The following EXOC6B variants were observed in gnomAD, a reference collection of about 807,000 sequenced individuals.
EXOC6B encodes the protein SEC15 homolog B.
In EXOC6B, 54 loss-of-function variants were observed where a neutral mutation model predicts 113.5. The ratio of observed to expected loss-of-function variants is 0.48; its 90% CI spans 0.38 to 0.60. The LOEUF (loss-of-function observed/expected upper bound fraction) is 0.60, where lower values mean the gene tolerates loss of function less well. Ranked by LOEUF, EXOC6B falls within the 20% of genes least tolerant of loss-of-function variation. EXOC6B has a pLI of 0.00. For missense variants in EXOC6B, 797 were observed against 977.5 expected (o/e 0.82, Z 2.46); for synonymous variants, 357 against 339.0 (o/e 1.05, Z -0.58).
At chr2:72,584,282 T>C (rs757935938) in intron 6 of EXOC6B, among the ~76,000 whole-genome samples, 33 of 149,710 alleles carry the variant, frequency 2.2e-4, no homozygotes, top group Admixed American at 6.6e-5. Context: ...TCACATGTAA[T>C]GACACCCATT....
intron 18 of EXOC6B, among the ~76,000 whole-genome samples, chr2:72,451,654 C>CTCTG (rs1696925689): frequency 7.0e-6 from 1 of 142,496 alleles, no homozygotes; most frequent in African/African-American, 2.6e-5. Flanking sequence ...GTCTTTGTGC[C>CTCTG]TGTGTGTGTG....
chr2:72,728,718 C>T (rs557031037), intron 5 of EXOC6B, among the ~76,000 whole-genome samples: 1 of 152,196 alleles, frequency 6.6e-6, no homozygotes, highest in African/African-American at 2.4e-5. Context: ...ATCACTTCTG[C>T]TCACATCTTA....
At chr2:72,250,071 G>C (rs540452358) in intron 20 of EXOC6B, among the ~76,000 whole-genome samples, 1 of 152,300 alleles carries the variant, frequency 6.6e-6, no homozygotes, top group South Asian at 2.1e-4. Flanking sequence ...CTGAATAAAT[G>C]AATGCTTTAC....
intron 6 of EXOC6B, among the ~76,000 whole-genome samples, chr2:72,681,682 T>C (rs1676712522): frequency 6.6e-6 from 1 of 151,994 alleles, no homozygotes; most frequent in African/African-American, 2.4e-5. Context: ...TAAGCAAGTA[T>C]ATAAAATATT....
chr2:72,619,001 T>C (rs1405686911), intron 6 of EXOC6B, among the ~76,000 whole-genome samples: 1 of 152,180 alleles, frequency 6.6e-6, no homozygotes, highest in Non-Finnish European at 1.5e-5. Context: ...TAAAATAGTG[T>C]TGCTAATGAA....
chr2:72,202,376 C>T (rs1679543326), intron 20 of EXOC6B, among the ~76,000 whole-genome samples: 1 of 152,192 alleles, frequency 6.6e-6, no homozygotes, highest in African/African-American at 2.4e-5. Context: ...AGGAGTTGTT[C>T]TGACTTTTGC....
intron 6 of EXOC6B, among the ~76,000 whole-genome samples, chr2:72,605,005 C>G (rs1039952355): frequency 1.3e-5 from 2 of 152,028 alleles, no homozygotes; most frequent in African/African-American, 4.8e-5. Context: ...TTAAGAATCT[C>G]CAACTTGGCC....
intron 6 of EXOC6B, among the ~76,000 whole-genome samples, chr2:72,617,790 C>G (rs141461300): frequency 1.3e-5 from 2 of 152,094 alleles, no homozygotes; most frequent in African/African-American, 4.8e-5. Context: ...GCTAGGATTA[C>G]AGGCTTGAGC....
intron 20 of EXOC6B, among the ~76,000 whole-genome samples, chr2:72,219,102 A>C (rs1188088620): frequency 6.6e-6 from 1 of 152,220 alleles, no homozygotes; most frequent in Non-Finnish European, 1.5e-5. Flanking sequence ...CTGGCATTCC[A>C]TAGTGATAAT....
intron 1 of EXOC6B, among the ~76,000 whole-genome samples, chr2:72,750,365 T>G (rs538210082): frequency 3.3e-5 from 5 of 151,994 alleles, no homozygotes; most frequent in Non-Finnish European, 5.9e-5. Context: ...TGAAAAACAT[T>G]TCTACTATCA....
intron 18 of EXOC6B, among the ~76,000 whole-genome samples, chr2:72,421,687 C>T (rs1461873376): frequency 6.6e-6 from 1 of 152,254 alleles, no homozygotes; most frequent in Non-Finnish European, 1.5e-5. Flanking sequence ...AGCCCTCACT[C>T]GCTCTCGGCG....
chr2:72,822,649 A>C (rs927903231), intron 1 of EXOC6B, among the ~76,000 whole-genome samples: 1 of 148,482 alleles, frequency 6.7e-6, no homozygotes, highest in African/African-American at 2.5e-5. Flanking sequence ...AATACAGCCA[A>C]GTGGATTTTT....
intron 20 of EXOC6B, among the ~76,000 whole-genome samples, chr2:72,304,430 T>C (rs1009736914): frequency 2.6e-5 from 4 of 152,210 alleles, no homozygotes; most frequent in Non-Finnish European, 5.9e-5. Context: ...TACTCTAATT[T>C]ATAGCTTCAC....
intron 6 of EXOC6B, among the ~76,000 whole-genome samples, chr2:72,684,713 A>C (rs1676957734): frequency 6.6e-6 from 1 of 152,250 alleles, no homozygotes; most frequent in African/African-American, 2.4e-5. Flanking sequence ...TTTATATAAA[A>C]GAGTACATAC....
intron 18 of EXOC6B, among the ~76,000 whole-genome samples, chr2:72,382,676 AT>A (rs536288419): frequency 1.1e-4 from 17 of 151,674 alleles, no homozygotes; most frequent in Admixed American, 7.2e-4. Context: ...ATGTTTTTCC[AT>A]TTTTTTTGAG....
chr2:72,344,333 C>T (rs956263539), intron 19 of EXOC6B, among the ~76,000 whole-genome samples: 3 of 152,166 alleles, frequency 2.0e-5, no homozygotes, highest in Non-Finnish European at 2.9e-5. Context: ...TACATCATTT[C>T]CATGAATTTC....
chr2:72,294,194 C>T (rs1030407157), intron 20 of EXOC6B, among the ~76,000 whole-genome samples: 7 of 151,496 alleles, frequency 4.6e-5, no homozygotes, highest in Non-Finnish European at 1.0e-4. Flanking sequence ...CATAAGAATT[C>T]GGAGATAAAA....
Position 72,817,839 on chromosome 2 carries a change from CCTATTA to C in EXOC6B, c.113+7953_113+7958del, listed in dbSNP as rs564326872. Among the ~76,000 whole-genome samples, 1,510 of 152,256 alleles carry C rather than the reference CCTATTA, an allele frequency of 9.9e-3. 18 individuals are homozygous for C. The highest frequency in any genetic ancestry group is 0.013 in the Non-Finnish European group (868 of 68,020). On this transcript the variant is annotated intron_variant, in intron 1 of 21. Transcript: ENST00000272427. ...TCCAGCTACTTCTCATCACCTCCTC[CCTATTA>C]CCATATTGCATGCCATAACCATCTC...
intron 15 of EXOC6B, among the ~76,000 whole-genome samples, chr2:72,493,020 A>G (rs934065222): frequency 6.6e-6 from 1 of 152,012 alleles, no homozygotes; most frequent in Non-Finnish European, 1.5e-5. Context: ...TTAATCTACC[A>G]TTTGAAAATG....
Sources: allele counts gnomAD v4.1 joint callset (sites outside exome capture counted in the v4.1 genomes callset), GRCh38; gene constraint gnomAD v4.1.1; transcripts MANE v1.5; gene names NCBI Gene and HGNC (gene_info 2026-07-23, HGNC 2026-07-21).